ZBTB39: variants seen among roughly 807,000 people sequenced by gnomAD.
ZBTB39 encodes the protein zinc finger and BTB domain containing 39.
In ZBTB39, 25 loss-of-function variants were observed where a neutral mutation model predicts 39.4. The ratio of observed to expected loss-of-function variants is 0.63; its 90% confidence interval spans 0.46 to 0.89. ZBTB39 has a LOEUF of 0.89. Ranked by LOEUF, ZBTB39 falls within the 40% of genes least tolerant of loss-of-function variation. ZBTB39 has a pLI of 0.00. For missense variants in ZBTB39, 891 were observed against 909.7 expected, an observed-to-expected ratio of 0.98 and a Z score of 0.26; for synonymous variants, 373 against 359.6, an observed-to-expected ratio of 1.04 and a Z score of -0.42.
chr12:57,005,018 C>A, intron 1 of ZBTB39, 57 bp from the exon 2 acceptor site: 2 of 1,278,764 alleles, frequency 1.6e-6, no homozygotes, highest in East Asian at 2.4e-5. Flanking sequence ...AAAAGAGGGG[C>A]TATGCAGGAG....
chr12:57,002,559 G>A lies in ZBTB39; in HGVS notation c.*220C>T. 3.5e-6 allele frequency: 2 copies of A among 576,626 alleles called. No individual in the cohort carries two copies. The highest frequency in any genetic ancestry group is 6.1e-6 in the Non-Finnish European group (2 of 328,550). 35.7% of individuals were successfully genotyped at this position (576,626 alleles called of 1,614,324 possible). A position where few individuals can be genotyped will look rare whatever the true frequency, so the allele number is the denominator to read the frequency against. The stretch of plus-strand genomic sequence containing the variant: ...GAATGAAAAACATAGCCCTGCATGG[G>A]CAAGAACAGGTATGGAGGTAAATGT... On this transcript the variant is annotated 3_prime_UTR_variant, in exon 2 of 2. Coordinates refer to ENST00000300101, the MANE Select transcript of ZBTB39 (RefSeq NM_014830.3).
rs1283402153 is a variant in ZBTB39 at position 56,999,176 on chromosome 12, C to T, written c.*3603G>A. The T allele has an allele frequency of 2.0e-5, 3 of 152,186 alleles. No homozygotes were observed. The highest frequency in any genetic ancestry group is 4.4e-5 in the Non-Finnish European group (3 of 68,038). 9.4% of individuals were successfully genotyped at this position (152,186 alleles called of 1,614,324 possible). A position where few individuals can be genotyped will look rare whatever the true frequency, so the allele number is the denominator to read the frequency against. On this transcript the variant is annotated 3_prime_UTR_variant, in exon 2 of 2. Coordinates refer to ENST00000300101, the MANE Select transcript of ZBTB39 (RefSeq NM_014830.3). ...TCATTCTGATGTTAAGCTTATGATG[C>T]ATAACCACATTGAAACTAATGCTGT... is the stretch of plus-strand genomic sequence containing the variant.
chr12:57,004,214 G>A lies in ZBTB39; in HGVS notation c.704C>T (p.Thr235Met), dbSNP rs577894664. ...GGAGCTCGTGCTGGTCTGGATGCCC[G>A]TGCTGACAGTGCCTAGGAGTGGCTG... ...MTQPLLGTVSTGIQTSTSSCQ... is the reference protein window; with the variant it reads ...MTQPLLGTVSMGIQTSTSSCQ... The change falls in exon 2 of 2, where the codon ACG (threonine) becomes ATG (methionine). Residue 235 changes from threonine (T) to methionine (M), a missense_variant. Thr to Met is a moderately conservative substitution (Grantham distance 81, BLOSUM62 -1). Coordinates refer to ENST00000300101, the MANE Select transcript of ZBTB39 (RefSeq NM_014830.3). 52 of 1,614,190 alleles carry A rather than the reference G, an allele frequency of 3.2e-5. No homozygotes were observed. In the South Asian group the frequency reaches 3.6e-4, roughly 11 times the overall value.
rs1956236610 is a variant in ZBTB39, at chr12:57,004,946, T to C, written c.-29A>G. 1 of 1,551,920 alleles carries C rather than the reference T, an allele frequency of 6.4e-7. No individual in the cohort carries two copies. Among genetic ancestry groups the C allele is most frequent in the Non-Finnish European group, 8.7e-7 (1 of 1,145,236 alleles). The stretch of plus-strand genomic sequence containing the variant: ...AGCAGCTCCTATGAAATTACCTCCT[T>C]ATCAGCACAGTTAATCTGTGGATAG... On this transcript the variant is annotated 5_prime_UTR_variant, in exon 2 of 2. It adds an upstream start codon to the 5' untranslated region. Coordinates refer to ENST00000300101, the MANE Select transcript of ZBTB39 (RefSeq NM_014830.3).
intron 1 of ZBTB39, among the ~76,000 whole-genome samples, chr12:57,006,011 G>A (rs1055919525): frequency 6.6e-6 from 1 of 152,186 alleles, no homozygotes; most frequent in Non-Finnish European, 1.5e-5. Context: ...TGGGCGGGTC[G>A]GAGCACTGGG....
Position 57,004,349 on chromosome 12 carries a change from G to A in ZBTB39, c.569C>T (p.Ala190Val). 1.2e-6 allele frequency: 2 copies of A among 1,614,116 alleles called. No individual in the cohort carries two copies. The highest frequency in any genetic ancestry group is 1.7e-6 in the Non-Finnish European group (2 of 1,180,026). The change falls in exon 2 of 2, where the codon GCC becomes GTC. Residue 190 changes from alanine (A) to valine (V), a missense_variant. Physicochemically the swap from Ala to Val is moderately conservative, Grantham distance 64. Transcript: ENST00000300101. ...GSYKEEEKNV[A>V]SDANHSLHLP... The stretch of plus-strand genomic sequence containing the variant: ...ATGCAGGCTATGGTTAGCGTCACTG[G>A]CAACATTCTTCTCTTCCTCTTTATA...
chr12:57,005,598 A>C (rs1350782545), intron 1 of ZBTB39, among the ~76,000 whole-genome samples: 3 of 152,232 alleles, frequency 2.0e-5, no homozygotes. Context: ...GTGAAGTTAA[A>C]ACACTCAGAA....
chr12:57,005,633 A>T (rs1956240515), intron 1 of ZBTB39, among the ~76,000 whole-genome samples: 1 of 152,312 alleles, frequency 6.6e-6, no homozygotes. Context: ...AGTAGAACAC[A>T]ACTGTGGTAG....
In ZBTB39 at chr12:56,999,521, G is replaced by A. The variant is rs1337363271; in HGVS notation, c.*3258C>T. The A allele has an allele frequency of 6.6e-6, 1 of 152,198 alleles. No individual in the cohort carries two copies. The highest frequency in any genetic ancestry group is 6.5e-5 in the Admixed American group (1 of 15,280). The allele number at this position is 152,198 out of a possible 1,614,324, so 9.4% of individuals were successfully genotyped here. A position where few individuals can be genotyped will look rare whatever the true frequency, so the allele number is the denominator to read the frequency against. ...TTTACCCATCTCCTGGTTCTTAGGG[G>A]TCACCTGGGCCTGACCCTTATCCCA... is the stretch of plus-strand genomic sequence containing the variant. On this transcript the variant is annotated 3_prime_UTR_variant, in exon 2 of 2. Coordinates refer to ENST00000300101, the MANE Select transcript of ZBTB39 (RefSeq NM_014830.3).
In ZBTB39 at chr12:57,001,727, G is replaced by C. The variant is rs534472461; in HGVS notation, c.*1052C>G. The C allele has an allele frequency of 2.6e-5, 4 of 153,084 alleles. No individual in the cohort carries two copies. Among genetic ancestry groups the C allele is most frequent in the Non-Finnish European group, 5.9e-5 (4 of 68,064 alleles). 9.5% of individuals were successfully genotyped at this position (153,084 alleles called of 1,614,324 possible). A position where few individuals can be genotyped will look rare whatever the true frequency, so the allele number is the denominator to read the frequency against. On this transcript the variant is annotated 3_prime_UTR_variant, in exon 2 of 2. Coordinates refer to ENST00000300101, the MANE Select transcript of ZBTB39 (RefSeq NM_014830.3). The stretch of plus-strand genomic sequence containing the variant: ...GTTACCCGACTAGGACAGACAGTCA[G>C]AACGCACACCCTGCTACACACCACC...
At chr12:57,005,063 G>C (rs1956237167) in intron 1 of ZBTB39, 102 bp from the exon 2 acceptor site, 3 of 836,248 alleles carry the variant, frequency 3.6e-6, no homozygotes, top group Non-Finnish European at 3.6e-6. Flanking sequence ...CCAAGCCCCA[G>C]GTAGGGATCA....
Position 57,004,757 on chromosome 12 carries a change from T to C in ZBTB39, c.161A>G (p.Tyr54Cys), listed in dbSNP as rs1956235369. The part of the protein sequence containing the change: ...HKAVLACAAG[Y>C]FQNLFLNTGL... The stretch of plus-strand genomic sequence containing the variant: ...AGTATTCAGGAAGAGGTTCTGGAAG[T>C]AGCCAGCTGCACAGGCCAGCACAGC... The change falls in exon 2 of 2, where the codon TAC becomes TGC. Residue 54 changes from tyrosine to cysteine, a missense_variant. Transcript: ENST00000300101. 2 of 1,614,138 alleles carry C rather than the reference T, an allele frequency of 1.2e-6. No homozygotes were observed. Among genetic ancestry groups the C allele is most frequent in the Non-Finnish European group, 1.7e-6 (2 of 1,179,998 alleles).
chr12:57,002,673 C>T lies in ZBTB39; in HGVS notation c.*106G>A. On this transcript the variant is annotated 3_prime_UTR_variant, in exon 2 of 2. Coordinates refer to ENST00000300101, the MANE Select transcript of ZBTB39 (RefSeq NM_014830.3). ...TTAAACACAACACAGAACAGAATTC[C>T]TACCAAGGCAAAATTATAACTTCAG... 8.9e-7 allele frequency: 1 copy of T among 1,129,426 alleles called. No homozygotes were observed. Among genetic ancestry groups the T allele is most frequent in the Non-Finnish European group, 1.3e-6 (1 of 785,312 alleles). 70.0% of individuals were successfully genotyped at this position (1,129,426 alleles called of 1,614,324 possible).
In ZBTB39 at chr12:57,006,286, C is replaced by G. The variant is rs903421202; in HGVS notation, c.-45+119G>C. The G allele has an allele frequency of 2.6e-5, 4 of 151,770 alleles. 1 individual carries two copies. The highest frequency in any genetic ancestry group is 2.9e-5 in the Non-Finnish European group (2 of 68,084). The allele number at this position is 151,770 out of a possible 1,614,324, so 9.4% of individuals were successfully genotyped here. A position where few individuals can be genotyped will look rare whatever the true frequency, so the allele number is the denominator to read the frequency against. On this transcript the variant is annotated intron_variant, in intron 1 of 1. Coordinates refer to ENST00000300101, the MANE Select transcript of ZBTB39 (RefSeq NM_014830.3). Reference sequence around the variant, plus strand: ...GGGCCGGCCGGGGTCGGCGCGCGGGCGGGGAGGATGGGTCCGGCCGAAGGG... The same window carrying G: ...GGGCCGGCCGGGGTCGGCGCGCGGGGGGGGAGGATGGGTCCGGCCGAAGGG...
rs772917331 is a variant in ZBTB39 at position 57,003,706 on chromosome 12, CAT to C, written c.1210_1211del (p.Met404ValfsTer2). The C allele has an allele frequency of 2.2e-5, 36 of 1,614,094 alleles. No individual in the cohort carries two copies. The highest frequency in any genetic ancestry group is 6.6e-5 in the South Asian group (6 of 91,092). The part of the protein sequence containing the change: ...HIGIFLFSCD[M>X]CETKFFTQWQ... ...ACTGGGTAAAGAACTTAGTTTCACA[CAT>C]GTCGCAGGAGAAAAGGAAAATACCA... is the stretch of plus-strand genomic sequence containing the variant. On this transcript the variant is annotated frameshift_variant, in exon 2 of 2. Coordinates refer to ENST00000300101, the MANE Select transcript of ZBTB39 (RefSeq NM_014830.3). LOFTEE classifies it high-confidence loss of function. The surrounding 1 kb of genome is among the most constrained non-coding windows in gnomAD (Gnocchi z 4.8).
rs776126602 is a variant in ZBTB39 at position 57,003,430 on chromosome 12, CAT to C, written c.1486_1487del (p.Met496ValfsTer71). 5.0e-6 allele frequency: 8 copies of C among 1,614,104 alleles called. No individual in the cohort carries two copies. The highest frequency in any genetic ancestry group is 1.3e-5 in the African/African-American group (1 of 74,946). On this transcript the variant is annotated frameshift_variant, in exon 2 of 2. Transcript: ENST00000300101. LOFTEE classifies it high-confidence loss of function. This position sits in a 1 kb window ranked among gnomAD's most constrained non-coding sequence, Gnocchi z 4.8. ...TGCCGAGATGGGACAGCGTGTGCCA[CAT>C]GAGGCTGCAGAGGTTAAGGTGACGC... ...DQRHLNLCSL[M>X]WHTLSHLGIS...
Position 57,006,222 on chromosome 12 carries a change from G to A in ZBTB39, c.-45+183C>T, listed in dbSNP as rs1312380686. Among the ~76,000 whole-genome samples the A allele has an allele frequency of 1.8e-4, 28 of 152,046 alleles. 1 individual carries two copies. The highest frequency in any genetic ancestry group is 1.8e-3 in the Admixed American group (28 of 15,286). ...GGGCTCACCCGGGTGAGCCTGTTGGGGGCATGGGGCTGAATAAGGGGCCAA... is the reference window on the plus strand; with the variant it reads ...GGGCTCACCCGGGTGAGCCTGTTGGAGGCATGGGGCTGAATAAGGGGCCAA... On this transcript the variant is annotated intron_variant, in intron 1 of 1. Transcript: ENST00000300101.
chr12:57,005,063 G>T, intron 1 of ZBTB39, 102 bp from the exon 2 acceptor site: 1 of 836,366 alleles, frequency 1.2e-6, no homozygotes, highest in Non-Finnish European at 1.8e-6. Context: ...CCAAGCCCCA[G>T]GTAGGGATCA....
chr12:57,005,049 G>T (rs1422269794), intron 1 of ZBTB39, 88 bp from the exon 2 acceptor site: 5 of 971,062 alleles, frequency 5.1e-6, no homozygotes, highest in Non-Finnish European at 6.0e-6. Context: ...CACTCTGAAT[G>T]CTTCCAAGCC....
Sources: allele counts gnomAD v4.1 joint callset (sites outside exome capture counted in the v4.1 genomes callset), GRCh38; gene constraint gnomAD v4.1.1; non-coding constraint Gnocchi (gnomAD v3.1); transcripts MANE v1.5; gene names NCBI Gene and HGNC (gene_info 2026-07-23, HGNC 2026-07-21).